EXOC6: variants seen among roughly 807,000 people sequenced by gnomAD.
EXOC6 encodes exocyst complex component 6.
A neutral mutation model predicts 112.5 loss-of-function variants in EXOC6; 60 were observed. That is an observed-to-expected ratio of 0.53 (90% CI 0.43 to 0.66). The LOEUF is 0.66. Ranked by LOEUF, EXOC6 falls within the 30% of genes least tolerant of loss-of-function variation. The pLI is 0.00. For synonymous variants in EXOC6, 295 were observed against 308.0 expected (o/e 0.96, Z 0.44); for missense variants, 855 against 957.1 (o/e 0.89, Z 1.41).
intron 20 of EXOC6, among the ~76,000 whole-genome samples, chr10:93,038,778 C>T (rs577930559): frequency 3.3e-5 from 5 of 152,232 alleles, no homozygotes; most frequent in African/African-American, 1.2e-4. Flanking sequence ...GCTTTGAGTA[C>T]CCTAAAGGGA....
At chr10:92,889,976 C>T (rs2133801652) in intron 1 of EXOC6, among the ~76,000 whole-genome samples, 1 of 152,176 alleles carries the variant, frequency 6.6e-6, no homozygotes, top group East Asian at 1.9e-4. Context: ...TCTATATAAA[C>T]CCAAGGATCA....
chr10:92,919,943 T>C, intron 7 of EXOC6, 39 bp from the exon 8 acceptor site: 1 of 1,317,414 alleles, frequency 7.6e-7, no homozygotes, highest in Non-Finnish European at 1.1e-6. Flanking sequence ...GGTCTAATAG[T>C]TTGACCTATA....
chr10:92,925,106 T>C (rs576672031), intron 8 of EXOC6, among the ~76,000 whole-genome samples: 1 of 152,332 alleles, frequency 6.6e-6, no homozygotes, highest in Non-Finnish European at 1.5e-5. Flanking sequence ...GCATGTAGTA[T>C]TGTTTATTAT....
intron 15 of EXOC6, 75 bp downstream of exon 15, chr10:92,952,457 CT>C (rs1589898931): frequency 1.1e-5 from 10 of 916,426 alleles, no homozygotes; most frequent in African/African-American, 1.7e-5. Flanking sequence ...TATGCCATAA[CT>C]TTTTTTTCCT....
chr10:93,043,350 A>G (rs191688440), intron 20 of EXOC6, among the ~76,000 whole-genome samples: 9 of 152,336 alleles, frequency 5.9e-5, no homozygotes, highest in Admixed American at 5.2e-4. Context: ...ATTAAGTTGT[A>G]TTTTTAATAT....
At chr10:92,877,688 T>C (rs1848741254) in intron 1 of EXOC6, among the ~76,000 whole-genome samples, 1 of 152,188 alleles carries the variant, frequency 6.6e-6, no homozygotes, top group Non-Finnish European at 1.5e-5. Context: ...GGGTCAGTGA[T>C]GGGAGTTGGG....
chr10:93,019,013 A>G (rs1844663931), intron 20 of EXOC6, among the ~76,000 whole-genome samples: 1 of 152,096 alleles, frequency 6.6e-6, no homozygotes, highest in African/African-American at 2.4e-5. Context: ...ACATCAAGCA[A>G]AACAAGAATT....
chr10:92,919,698 A>T (rs1851317543), intron 7 of EXOC6, among the ~76,000 whole-genome samples: 1 of 152,180 alleles, frequency 6.6e-6, no homozygotes, highest in Admixed American at 6.5e-5. Flanking sequence ...GTTTTCTGTA[A>T]TCTATCATAC....
At chr10:92,836,970 T>C (rs1229651664) in intron 1 of EXOC6, among the ~76,000 whole-genome samples, 1 of 152,180 alleles carries the variant, frequency 6.6e-6, no homozygotes, top group Non-Finnish European at 1.5e-5. Context: ...GCTCTAATGC[T>C]CTTTCTAGTG....
chr10:93,022,222 T>C (rs115908510), intron 20 of EXOC6, among the ~76,000 whole-genome samples: 416 of 152,294 alleles, frequency 2.7e-3, no homozygotes, highest in African/African-American at 9.5e-3. Context: ...CCTGGTTGAC[T>C]TTTCCTCATC....
chr10:92,845,116 T>C (rs1847000769), upstream of EXOC6, among the ~76,000 whole-genome samples: 1 of 152,246 alleles, frequency 6.6e-6, no homozygotes, highest in East Asian at 1.9e-4. Flanking sequence ...TGTATCTTTC[T>C]TCTTCCAGGA....
intron 12 of EXOC6, among the ~76,000 whole-genome samples, chr10:92,937,764 A>G: frequency 6.6e-6 from 1 of 152,092 alleles, no homozygotes; most frequent in East Asian, 1.9e-4. Context: ...GTTAGTGCAA[A>G]AGTAATTGTG....
At chr10:92,885,956 C>T (rs900123123) in intron 1 of EXOC6, among the ~76,000 whole-genome samples, 10 of 151,948 alleles carry the variant, frequency 6.6e-5, no homozygotes, top group African/African-American at 1.5e-4. Flanking sequence ...TTCTAATGTT[C>T]GCTCTTGCTG....
In EXOC6 at chr10:93,041,634, G is replaced by A. The variant is rs1317464646; in HGVS notation, c.2170-15290G>A. ...TTACCACATCGGCCAGGTTGGTTTC[G>A]AACTCTTGACCTCAAGTGATCTGCC... is the stretch of plus-strand genomic sequence containing the variant. On this transcript the variant is annotated intron_variant, in intron 20 of 21. Coordinates refer to ENST00000260762, the MANE Select transcript of EXOC6 (RefSeq NM_019053.6). 3.9e-5 allele frequency among the ~76,000 whole-genome samples: 6 copies of A among 152,142 alleles called. No homozygotes were observed. The South Asian group carries it at 8.3e-4, about 21-fold the overall frequency.
At chr10:93,015,298 T>G (rs1291575231) in intron 20 of EXOC6, among the ~76,000 whole-genome samples, 2 of 152,218 alleles carry the variant, frequency 1.3e-5, no homozygotes, top group East Asian at 3.8e-4. Context: ...ACCCACTGTT[T>G]CCTAAATACT....
intron 5 of EXOC6, chr10:92,901,755 T>G (rs895873348): frequency 2.7e-5 from 4 of 150,496 alleles, no homozygotes; most frequent in African/African-American, 9.8e-5. Flanking sequence ...CTCAGCACTT[T>G]GGGAGGCTAA....
At chr10:92,839,380 C>T (rs1846763414) in intron 1 of EXOC6, among the ~76,000 whole-genome samples, 1 of 152,126 alleles carries the variant, frequency 6.6e-6, no homozygotes, top group Non-Finnish European at 1.5e-5. Flanking sequence ...ACATTAGTCC[C>T]TGTTTTACTC....
intron 12 of EXOC6, among the ~76,000 whole-genome samples, chr10:92,936,715 G>C (rs769973399): frequency 1.3e-5 from 2 of 152,172 alleles, no homozygotes; most frequent in Admixed American, 1.3e-4. Context: ...CACCTGCTGC[G>C]TTATTGGGAG....
At position 92,952,269 on chromosome 10, in the gene EXOC6, A is replaced by T; in HGVS notation, c.1417-4A>T. Reference sequence around the variant, plus strand: ...AAAACAATATTAACTTTCTTTTTCTACAGCAGTCTTTCCCAAAGAAATTCC... The same window carrying T: ...AAAACAATATTAACTTTCTTTTTCTTCAGCAGTCTTTCCCAAAGAAATTCC... On this transcript the variant is annotated splice_region_variant and splice_polypyrimidine_tract_variant and intron_variant, in intron 14 of 21. Coordinates refer to ENST00000260762, the MANE Select transcript of EXOC6 (RefSeq NM_019053.6). 1 of 1,557,144 alleles carries T rather than the reference A, an allele frequency of 6.4e-7. No homozygotes were observed. The highest frequency in any genetic ancestry group is 8.8e-7 in the Non-Finnish European group (1 of 1,135,834).
Sources: gnomAD v4.1 joint callset for allele counts (sites outside exome capture counted in the v4.1 genomes callset) on GRCh38, gnomAD v4.1.1 for gene constraint, MANE v1.5 for transcripts, NCBI Gene and HGNC (gene_info 2026-07-23, HGNC 2026-07-21) for gene names.